Variants in TRERF1 observed in about 807,000 individuals in gnomAD.
TRERF1 encodes the protein transcriptional regulating factor 1, also known as transcriptional-regulating factor 1.
TRERF1 carries 27 observed loss-of-function variants against 122.9 expected under a neutral mutation model. The ratio of observed to expected loss-of-function variants is 0.22; its 90% CI spans 0.16 to 0.30. TRERF1 has a LOEUF of 0.30. Ranked by LOEUF, TRERF1 falls within the 10% of genes least tolerant of loss-of-function variation. The pLI, the probability that TRERF1 is intolerant of heterozygous loss-of-function variation, is 1.00. For synonymous variants in TRERF1, 636 were observed against 641.7 expected (o/e 0.99, Z 0.13); for missense variants, 1,248 against 1,560.3 (o/e 0.80, Z 3.37).
At chr6:42,299,134 CTACATATATATA>C (rs1785645258) in intron 4 of TRERF1, among the ~76,000 whole-genome samples, 7 of 133,876 alleles carry the variant, frequency 5.2e-5, no homozygotes, top group Non-Finnish European at 5.0e-5. Flanking sequence ...ATCTATCTAT[CTACATATATATA>C]TATATCTAGC....
chr6:42,246,991 C>T (rs1774921910), intron 13 of TRERF1, among the ~76,000 whole-genome samples: 1 of 152,226 alleles, frequency 6.6e-6, no homozygotes, highest in African/African-American at 2.4e-5. Context: ...ATTCACCCTC[C>T]ACCCTCAAGA....
Position 42,268,780 on chromosome 6 carries a change from G to A in TRERF1, c.811C>T (p.Pro271Ser). ...CCGGCTTGCTGCTGTTGCTGCGGTG[G>A]GTAATACTGGTGCTGCTGCATCTGT... The change falls in exon 5 of 18, where the codon CCA becomes TCA. Residue 271 changes from proline to serine, a missense_variant. Coordinates refer to ENST00000372922, the Ensembl canonical transcript of TRERF1. The surrounding 1 kb of genome is among the most constrained non-coding windows in gnomAD (Gnocchi z 4.4). The A allele has an allele frequency of 6.2e-7, 1 of 1,614,162 alleles. No individual in the cohort carries two copies. Among genetic ancestry groups the A allele is most frequent in the South Asian group, 1.1e-5 (1 of 91,082 alleles).
Position 42,407,403 on chromosome 6 carries a change from C to T in TRERF1, c.-454+43774G>A, listed in dbSNP as rs186004713. On this transcript the variant is annotated intron_variant, in intron 2 of 17. Transcript: ENST00000372922. ...GTTGTCACGCTAGTCCTGGATCTGCCCCCAAACTACAGACATTCTGCAGAG... is the reference window on the plus strand; with the variant it reads ...GTTGTCACGCTAGTCCTGGATCTGCTCCCAAACTACAGACATTCTGCAGAG... Among the ~76,000 whole-genome samples the T allele has an allele frequency of 4.1e-3, 621 of 152,236 alleles. 6 individuals are homozygous for T. Among genetic ancestry groups the T allele is most frequent in the Non-Finnish European group, 3.4e-3 (230 of 68,026 alleles).
chr6:42,359,178 C>A (rs1006484601), intron 3 of TRERF1, among the ~76,000 whole-genome samples: 2 of 152,190 alleles, frequency 1.3e-5, no homozygotes, highest in East Asian at 1.9e-4. Flanking sequence ...AATCAAGATG[C>A]TTGACCCTCC....
chr6:42,285,825 GC>G (rs1783114042), intron 4 of TRERF1, among the ~76,000 whole-genome samples: 2 of 151,210 alleles, frequency 1.3e-5, no homozygotes, highest in Admixed American at 6.6e-5. Context: ...AAAAGAGCCC[GC>G]ATCGCCAAGT....
At chr6:42,426,208 A>T (rs552081735) in intron 2 of TRERF1, among the ~76,000 whole-genome samples, 1 of 152,332 alleles carries the variant, frequency 6.6e-6, no homozygotes, top group East Asian at 1.9e-4. Flanking sequence ...AACATCTAGC[A>T]AATGCCTACT....
chr6:42,233,003 CA>C (rs1352545341), intron 16 of TRERF1, 75 bp from the exon 17 acceptor site: 38 of 1,428,642 alleles, frequency 2.7e-5, no homozygotes, highest in Non-Finnish European at 3.2e-5. Flanking sequence ...TGACAGGGCA[CA>C]AGGGTTTTAT....
At chr6:42,293,029 G>A (rs556866580) in intron 4 of TRERF1, among the ~76,000 whole-genome samples, 20 of 152,304 alleles carry the variant, frequency 1.3e-4, no homozygotes, top group African/African-American at 4.8e-4. Flanking sequence ...AGGAACTGGG[G>A]ACACACTGCC....
At chr6:42,373,818 CAA>C (rs1308250272) in intron 2 of TRERF1, among the ~76,000 whole-genome samples, 8 of 116,120 alleles carry the variant, frequency 6.9e-5, no homozygotes, top group Admixed American at 1.8e-4. Flanking sequence ...GCAACAAGAG[CAA>C]AAAAAAAAAA....
intron 2 of TRERF1, among the ~76,000 whole-genome samples, chr6:42,391,395 A>C (rs1253991228): frequency 6.6e-6 from 1 of 152,202 alleles, no homozygotes; most frequent in Non-Finnish European, 1.5e-5. Context: ...GCCCTTCAAC[A>C]GGTCCCTAAG....
chr6:42,282,427 A>T (rs1218855404), intron 4 of TRERF1, among the ~76,000 whole-genome samples: 1 of 152,178 alleles, frequency 6.6e-6, no homozygotes, highest in African/African-American at 2.4e-5. Flanking sequence ...GCACACTTGT[A>T]GTCCCAGCTA....
Position 42,228,323 on chromosome 6 carries a change from T to C in TRERF1, c.*22A>G. 6.3e-7 allele frequency: 1 copy of C among 1,578,150 alleles called. No homozygotes were observed. Among genetic ancestry groups the C allele is most frequent in the Non-Finnish European group, 8.6e-7 (1 of 1,159,346 alleles). ...AGATGGAGGCCGTGGGTTTTCACTG[T>C]CTCTAAGTGACACACAGGGCTTTAT... On this transcript the variant is annotated 3_prime_UTR_variant, in exon 18 of 18. Coordinates refer to ENST00000372922, the Ensembl canonical transcript of TRERF1. The surrounding 1 kb of genome is among the most constrained non-coding windows in gnomAD (Gnocchi z 4.2).
At chr6:42,447,782 G>A (rs1046423791) in intron 2 of TRERF1, among the ~76,000 whole-genome samples, 1 of 152,096 alleles carries the variant, frequency 6.6e-6, no homozygotes, top group East Asian at 1.9e-4. Context: ...TCGGCTCACT[G>A]CAACCTCTGC....
intron 3 of TRERF1, among the ~76,000 whole-genome samples, chr6:42,343,062 T>C (rs1767591660): frequency 6.6e-6 from 1 of 152,074 alleles, no homozygotes; most frequent in African/African-American, 2.4e-5. Flanking sequence ...TCACATTGAC[T>C]CATATCAACA....
chr6:42,330,152 A>T (rs1207950680), intron 3 of TRERF1, among the ~76,000 whole-genome samples: 1 of 152,214 alleles, frequency 6.6e-6, no homozygotes, highest in Non-Finnish European at 1.5e-5. Flanking sequence ...GAGCAAAAAA[A>T]TGGGTTATAG....
In TRERF1 at chr6:42,343,541, G is replaced by A. The variant is rs185720053; in HGVS notation, c.-371+19456C>T. Reference sequence around the variant, plus strand: ...TTGTAGGGGGAGCCTGCTGACCTCGGAGGAGAACTGACTCTAGACACTGGT... The same window carrying A: ...TTGTAGGGGGAGCCTGCTGACCTCGAAGGAGAACTGACTCTAGACACTGGT... On this transcript the variant is annotated intron_variant, in intron 3 of 17. Transcript: ENST00000372922. Among the ~76,000 whole-genome samples the A allele has an allele frequency of 1.1e-3, 171 of 152,226 alleles. 1 individual carries two copies. Among genetic ancestry groups the A allele is most frequent in the African/African-American group, 3.8e-3 (156 of 41,558 alleles).
intron 10 of TRERF1, 151 bp downstream of exon 10, chr6:42,257,984 G>A (rs957468903): frequency 1.6e-6 from 1 of 642,802 alleles, no homozygotes; most frequent in Non-Finnish European, 2.6e-6. Context: ...GGCAACCATT[G>A]TGCAGGGAAA....
Position 42,268,230 on chromosome 6 carries a change from AGGAGGGG to A in TRERF1, c.1354_1360del (p.Pro452TyrfsTer59). 6.7e-7 allele frequency: 1 copy of A among 1,492,566 alleles called. No homozygotes were observed. The highest frequency in any genetic ancestry group is 1.4e-5 in the African/African-American group (1 of 71,308). The allele number at this position is 1,492,566 out of a possible 1,614,324, so 92.5% of individuals were successfully genotyped here. On this transcript the variant is annotated frameshift_variant, in exon 5 of 18. Transcript: ENST00000372922. LOFTEE classifies it high-confidence loss of function. The surrounding 1 kb of genome is among the most constrained non-coding windows in gnomAD (Gnocchi z 4.4). The stretch of plus-strand genomic sequence containing the variant: ...GTTGAGGTGGATCCCACTGGGGGAT[AGGAGGGG>A]GCGATGGGGGAGGGTGCTGCTGACC...
chr6:42,259,858 C>A lies in TRERF1; in HGVS notation c.1885-135G>T. 8.1e-7 allele frequency: 1 copy of A among 1,232,998 alleles called. No homozygotes were observed. Among genetic ancestry groups the A allele is most frequent in the East Asian group, 2.4e-5 (1 of 41,426 alleles). 76.4% of individuals were successfully genotyped at this position (1,232,998 alleles called of 1,614,324 possible). A position where few individuals can be genotyped will look rare whatever the true frequency, so the allele number is the denominator to read the frequency against. On this transcript the variant is annotated intron_variant, in intron 8 of 17. Transcript: ENST00000372922. The surrounding 1 kb of genome is among the most constrained non-coding windows in gnomAD (Gnocchi z 4.9). Reference sequence around the variant, plus strand: ...TTGACCCCCCCACCCCCAACGCCCCCACATTCTGACCACATCCATTTTAGG... The same window carrying A: ...TTGACCCCCCCACCCCCAACGCCCCAACATTCTGACCACATCCATTTTAGG...
Sources: allele counts gnomAD v4.1 joint callset (sites outside exome capture counted in the v4.1 genomes callset), GRCh38; gene constraint gnomAD v4.1.1; non-coding constraint Gnocchi (gnomAD v3.1); transcripts MANE v1.5; gene names NCBI Gene and HGNC (gene_info 2026-07-23, HGNC 2026-07-21).